The following CFAP58 variants were observed in gnomAD, a reference collection of about 807,000 sequenced individuals.
CFAP58 encodes the protein cilia- and flagella-associated protein 58.
In CFAP58, 88 loss-of-function variants were observed where a neutral mutation model predicts 119.5. That is an observed-to-expected ratio of 0.74 (90% CI 0.62 to 0.88). The LOEUF is 0.88. Among genes scored for constraint, CFAP58 ranks in the 40% least tolerant of loss-of-function variants. The probability of loss-of-function intolerance (pLI) is 0.00; values close to 1 mark genes in which losing one functional copy is unlikely to be tolerated. For synonymous variants in CFAP58, 365 were observed against 366.3 expected, an observed-to-expected ratio of 1.00 and a Z score of 0.04; for missense variants, 990 against 1,021.2, an observed-to-expected ratio of 0.97 and a Z score of 0.42.
Position 104,415,688 on chromosome 10 carries a change from C to T in CFAP58, c.2256+8895C>T, listed in dbSNP as rs1411920267. ...TGTTACGTGAGATCAGGTCTCCTGGCAGGTCCTGGGGACTACCAACCAGGT... is the reference window on the plus strand; with the variant it reads ...TGTTACGTGAGATCAGGTCTCCTGGTAGGTCCTGGGGACTACCAACCAGGT... On this transcript the variant is annotated intron_variant, in intron 15 of 17. Transcript: ENST00000369704. 4.6e-5 allele frequency among the ~76,000 whole-genome samples: 7 copies of T among 152,152 alleles called. No homozygotes were observed. In the South Asian group the frequency reaches 1.0e-3, roughly 22 times the overall value.
intron 15 of CFAP58, among the ~76,000 whole-genome samples, chr10:104,441,206 T>C (rs989288537): frequency 1.3e-5 from 2 of 152,246 alleles, no homozygotes; most frequent in East Asian, 3.8e-4. Context: ...TTTTGCCATG[T>C]TGGCCAGGCT....
chr10:104,374,207 C>T (rs1166835864), intron 7 of CFAP58, among the ~76,000 whole-genome samples: 1 of 151,868 alleles, frequency 6.6e-6, no homozygotes, highest in African/African-American at 2.4e-5. Flanking sequence ...CGCCTATAAT[C>T]CCAGCACTTT....
chr10:104,358,228 T>C lies in CFAP58; in HGVS notation c.10-113T>C, dbSNP rs1048771674. On this transcript the variant is annotated intron_variant, in intron 1 of 17. Transcript: ENST00000369704. ...TCTTAATTTTTCTGCTTATCAGTGG[T>C]TTTAATTTTGCTCATATGGAGGTGT... The C allele has an allele frequency of 8.3e-6, 9 of 1,078,098 alleles. No homozygotes were observed. The South Asian group carries it at 1.4e-4, about 16-fold the overall frequency. The allele number at this position is 1,078,098 out of a possible 1,614,324, so 66.8% of individuals were successfully genotyped here.
intron 15 of CFAP58, among the ~76,000 whole-genome samples, chr10:104,417,506 G>A (rs576451512): frequency 6.6e-6 from 1 of 152,240 alleles, no homozygotes; most frequent in African/African-American, 2.4e-5. Flanking sequence ...AGAATTTGAG[G>A]GATGTTTTAG....
At chr10:104,402,086 A>T (rs1252708611) in intron 13 of CFAP58, among the ~76,000 whole-genome samples, 1 of 111,060 alleles carries the variant, frequency 9.0e-6, no homozygotes, top group African/African-American at 2.8e-5. Context: ...TGGGAAGACA[A>T]CTTAATAAAT....
chr10:104,383,287 ATTAT>A (rs1387065458), intron 9 of CFAP58, among the ~76,000 whole-genome samples: 3 of 152,138 alleles, frequency 2.0e-5, no homozygotes, highest in African/African-American at 7.2e-5. Context: ...CTATAGTGTA[ATTAT>A]TTATTTGCAT....
At chr10:104,344,860 G>T in the CFAP58 span, among the ~76,000 whole-genome samples, 1 of 152,026 alleles carries the variant, frequency 6.6e-6, no homozygotes, top group Non-Finnish European at 1.5e-5. Flanking sequence ...ATACCTAACA[G>T]GCAGAAAAGA....
intron 11 of CFAP58, among the ~76,000 whole-genome samples, chr10:104,398,847 A>T (rs911371548): frequency 2.0e-5 from 3 of 152,200 alleles, no homozygotes; most frequent in Non-Finnish European, 2.9e-5. Context: ...CTTCTGTTTC[A>T]TCAGGATGTT....
At chr10:104,389,234 A>G (rs2011985860) in intron 9 of CFAP58, among the ~76,000 whole-genome samples, 1 of 152,144 alleles carries the variant, frequency 6.6e-6, no homozygotes, top group South Asian at 2.1e-4. Context: ...TGCTCGTTTC[A>G]ATATTTGTTA....
chr10:104,361,779 G>T lies in CFAP58; in HGVS notation c.292-244G>T, dbSNP rs79369142. Among the ~76,000 whole-genome samples the T allele has an allele frequency of 4.3e-4, 66 of 152,288 alleles. 1 individual carries two copies. The East Asian group carries it at 0.013, about 29-fold the overall frequency. On this transcript the variant is annotated intron_variant, in intron 2 of 17. Coordinates refer to ENST00000369704, the MANE Select transcript of CFAP58 (RefSeq NM_001008723.2). ...CAGCTCACTGCAGCCTCAAATTCCCGGACTCAAGAGGTCTTCTTGCCTCGG... is the reference window on the plus strand; with the variant it reads ...CAGCTCACTGCAGCCTCAAATTCCCTGACTCAAGAGGTCTTCTTGCCTCGG...
intron 9 of CFAP58, among the ~76,000 whole-genome samples, chr10:104,388,770 G>A (rs1224700531): frequency 1.3e-5 from 2 of 152,118 alleles, no homozygotes; most frequent in East Asian, 1.9e-4. Context: ...TCCTGTATGC[G>A]TTATTGATTT....
Position 104,435,073 on chromosome 10 carries a change from T to C in CFAP58, c.2257-12625T>C, listed in dbSNP as rs544935492. 3.3e-5 allele frequency among the ~76,000 whole-genome samples: 5 copies of C among 152,366 alleles called. No individual in the cohort carries two copies. In the East Asian group the frequency reaches 9.6e-4, roughly 29 times the overall value. On this transcript the variant is annotated intron_variant, in intron 15 of 17. Coordinates refer to ENST00000369704, the MANE Select transcript of CFAP58 (RefSeq NM_001008723.2). The stretch of plus-strand genomic sequence containing the variant: ...CTGGTGACTATGAGAACAACCACGA[T>C]ATCAGCAATGATAATGCCAGAGTAG...
chr10:104,374,881 T>G (rs1323506600), intron 7 of CFAP58, among the ~76,000 whole-genome samples: 1 of 150,202 alleles, frequency 6.7e-6, no homozygotes, highest in Non-Finnish European at 1.5e-5. Context: ...GCAACTTAAA[T>G]GTTAAAATGA....
At chr10:104,405,522 G>A (rs2012344203) in intron 14 of CFAP58, among the ~76,000 whole-genome samples, 2 of 152,336 alleles carry the variant, frequency 1.3e-5, no homozygotes, top group Non-Finnish European at 2.9e-5. Context: ...AATTCAAAAT[G>A]TCAGTACAGT....
At chr10:104,419,689 C>G (rs368312983) in intron 15 of CFAP58, among the ~76,000 whole-genome samples, 3 of 151,848 alleles carry the variant, frequency 2.0e-5, no homozygotes, top group East Asian at 3.9e-4. Context: ...GAGCATGGAT[C>G]CTGTGTATGT....
rs1449057299 is a variant in CFAP58 at position 104,371,011 on chromosome 10, G to T, written c.1047G>T (p.Gln349His). Residue 349 changes from glutamine (Q) to histidine (H), a missense_variant, in exon 7 of 18, where the codon CAG becomes CAT. Gln to His is a conservative substitution (Grantham distance 24). Transcript: ENST00000369704. Reference sequence around the variant, plus strand: ...AAGATCAAAAGGCAGAAGTCGAACAGCACAAAGAAACCCTAAAAAATCAGA... The same window carrying T: ...AAGATCAAAAGGCAGAAGTCGAACATCACAAAGAAACCCTAAAAAATCAGA... ...HTEDQKAEVE[Q>H]HKETLKNQIV... The T allele has an allele frequency of 2.9e-5, 46 of 1,612,260 alleles. No homozygotes were observed. Among genetic ancestry groups the T allele is most frequent in the Non-Finnish European group, 3.9e-5 (46 of 1,179,488 alleles).
chr10:104,397,401 A>G lies in CFAP58; in HGVS notation c.1675-1959A>G, dbSNP rs1351982375. On this transcript the variant is annotated intron_variant, in intron 11 of 17. Transcript: ENST00000369704. ...TGTCATAAAAGAAACCCTTTGTTTTATAGTACCTGGTTGCATTCAGTTTGT... is the reference window on the plus strand; with the variant it reads ...TGTCATAAAAGAAACCCTTTGTTTTGTAGTACCTGGTTGCATTCAGTTTGT... 3.3e-5 allele frequency among the ~76,000 whole-genome samples: 5 copies of G among 152,242 alleles called. No individual in the cohort carries two copies. The East Asian group carries it at 9.6e-4, about 29-fold the overall frequency.
chr10:104,370,999 A>C lies in CFAP58; in HGVS notation c.1035A>C (p.Ala345=). 1 of 1,613,742 alleles carries C rather than the reference A, an allele frequency of 6.2e-7. No homozygotes were observed. The highest frequency in any genetic ancestry group is 1.1e-5 in the South Asian group (1 of 91,032). The change falls in exon 7 of 18, where the codon GCA becomes GCC. Residue 345 remains alanine (A), a synonymous_variant. Coordinates refer to ENST00000369704, the MANE Select transcript of CFAP58 (RefSeq NM_001008723.2). ...TGCACCACACCGAAGATCAAAAGGC[A>C]GAAGTCGAACAGCACAAAGAAACCC... ...KKLHHTEDQK[A]EVEQHKETLK...
the CFAP58 span, among the ~76,000 whole-genome samples, chr10:104,342,666 C>CAAAAAAAAAA: frequency 1.2e-4 from 11 of 90,502 alleles, no homozygotes; most frequent in South Asian, 4.1e-4. Flanking sequence ...CCCGTCTATA[C>CAAAAAAAAAA]AAAAAAAAAA....
Sources: allele counts gnomAD v4.1 joint callset (sites outside exome capture counted in the v4.1 genomes callset), GRCh38; gene constraint gnomAD v4.1.1; transcripts MANE v1.5; gene names NCBI Gene and HGNC (gene_info 2026-07-23, HGNC 2026-07-21).